Variants in SLC39A14 observed in about 807,000 individuals in gnomAD.
SLC39A14 encodes solute carrier family 39 member 14, also known as metal cation symporter ZIP14.
Under a neutral mutation model 45.5 loss-of-function variants are expected in SLC39A14, and 19 were observed. The ratio of observed to expected loss-of-function variants is 0.42; its 90% confidence interval spans 0.29 to 0.61. SLC39A14 has a LOEUF of 0.61. Among genes scored for constraint, SLC39A14 ranks in the 20% least tolerant of loss-of-function variants. SLC39A14 has a pLI of 0.22. For synonymous variants in SLC39A14, 264 were observed against 251.3 expected (o/e 1.05, Z -0.48); for missense variants, 447 against 616.5 (o/e 0.73, Z 2.91).
At chr8:22,423,544 C>T (rs1385048566), downstream of SLC39A14, among the ~76,000 whole-genome samples, 1 of 152,020 alleles carries the variant, frequency 6.6e-6, no homozygotes, top group Non-Finnish European at 1.5e-5. Context: ...ACCGTGTTAG[C>T]CAGGATGGTC....
Position 22,404,691 on chromosome 8 carries a change from C to G in SLC39A14, c.-15-5C>G, listed in dbSNP as rs1413241529. Reference sequence around the variant, plus strand: ...CTCAGCTTCACCTGCCTTTTTCTCTCACAGGTTTATTCAGTCACCATGAAG... The same window carrying G: ...CTCAGCTTCACCTGCCTTTTTCTCTGACAGGTTTATTCAGTCACCATGAAG... On this transcript the variant is annotated splice_region_variant and splice_polypyrimidine_tract_variant and intron_variant, in intron 1 of 8. Coordinates refer to ENST00000381237, the MANE Select transcript of SLC39A14 (RefSeq NM_001128431.4). The G allele has an allele frequency of 6.2e-7, 1 of 1,601,228 alleles. No homozygotes were observed. The highest frequency in any genetic ancestry group is 1.4e-5 in the African/African-American group (1 of 70,486).
At chr8:22,413,857 C>G (rs1176637639) in intron 4 of SLC39A14, among the ~76,000 whole-genome samples, 1 of 152,182 alleles carries the variant, frequency 6.6e-6, no homozygotes, top group African/African-American at 2.4e-5. Flanking sequence ...TCACTGCAAT[C>G]TCTGCCTCCT....
intron 8 of SLC39A14, among the ~76,000 whole-genome samples, chr8:22,431,225 G>A (rs936324985): frequency 1.3e-5 from 2 of 151,448 alleles, no homozygotes; most frequent in African/African-American, 4.9e-5. Flanking sequence ...CTGACCTCAT[G>A]ATCCACCTGC....
In SLC39A14 at chr8:22,405,025, T is replaced by A. The variant is rs777262873; in HGVS notation, c.270+45T>A. ...CAGCAGCTCTGCTCAGCCCCGTCTC[T>A]GGCCTCTCAGGGTTCCCTGTCTAGT... On this transcript the variant is annotated intron_variant, in intron 2 of 8. Coordinates refer to ENST00000381237, the MANE Select transcript of SLC39A14 (RefSeq NM_001128431.4). 1.8e-5 allele frequency: 29 copies of A among 1,581,936 alleles called. No individual in the cohort carries two copies. In the Admixed American group the frequency reaches 2.2e-4, roughly 12 times the overall value.
In SLC39A14 at chr8:22,421,965, G is replaced by T; in HGVS notation, c.*2267G>T. The stretch of plus-strand genomic sequence containing the variant: ...TAAACCGTAGTTGGCGCAGAGGTCA[G>T]TCCTAGTCGGAGCTTAGGAGGGGCG... On this transcript the variant is annotated 3_prime_UTR_variant, in exon 9 of 9. Coordinates refer to ENST00000381237, the MANE Select transcript of SLC39A14 (RefSeq NM_001128431.4). 1 of 985,476 alleles carries T rather than the reference G, an allele frequency of 1.0e-6. No individual in the cohort carries two copies. The highest frequency in any genetic ancestry group is 1.2e-6 in the Non-Finnish European group (1 of 829,942). 61.0% of individuals were successfully genotyped at this position (985,476 alleles called of 1,614,324 possible). A position where few individuals can be genotyped will look rare whatever the true frequency, so the allele number is the denominator to read the frequency against.
At chr8:22,381,426 AG>A (rs1833506815) in intron 1 of SLC39A14, among the ~76,000 whole-genome samples, 3 of 151,550 alleles carry the variant, frequency 2.0e-5, no homozygotes, top group Admixed American at 6.6e-5. Flanking sequence ...GCCCGCCACC[AG>A]GCCTGGCTAA....
rs567049421 is a variant in SLC39A14 at position 22,375,082 on chromosome 8, G to A, written c.-16+7674G>A. Among the ~76,000 whole-genome samples the A allele has an allele frequency of 6.5e-4, 99 of 152,082 alleles. 1 individual carries two copies. The highest frequency in any genetic ancestry group is 3.5e-3 in the East Asian group (18 of 5,146). ...ATCTGGAGCAACTCCATGGCCCCAC[G>A]TCCATGTCCTCTGTACCAGTCCACT... On this transcript the variant is annotated intron_variant, in intron 1 of 8. Transcript: ENST00000381237.
At chr8:22,426,269 C>T (rs372995040), downstream of SLC39A14, among the ~76,000 whole-genome samples, 80 of 152,172 alleles carry the variant, frequency 5.3e-4, 1 homozygote, top group South Asian at 0.013. Flanking sequence ...GATCATGGCT[C>T]GCTGCAGCCT....
intron 1 of SLC39A14, among the ~76,000 whole-genome samples, chr8:22,387,400 A>G (rs1342431257): frequency 1.3e-5 from 2 of 152,060 alleles, no homozygotes; most frequent in Non-Finnish European, 2.9e-5. Flanking sequence ...GTGGCAATCG[A>G]TTGCTCCCTG....
At chr8:22,394,775 T>C (rs1388548453) in intron 1 of SLC39A14, among the ~76,000 whole-genome samples, 1 of 152,134 alleles carries the variant, frequency 6.6e-6, no homozygotes, top group Non-Finnish European at 1.5e-5. Flanking sequence ...GGGGACTATA[T>C]TTTCTGACTT....
chr8:22,415,313 A>G (rs1835807927), intron 5 of SLC39A14: 1 of 209,458 alleles, frequency 4.8e-6, no homozygotes, highest in African/African-American at 2.4e-5. Context: ...GTTATTCCCT[A>G]AATAGCTGCT....
chr8:22,389,934 T>C (rs1481894801), intron 1 of SLC39A14: 30 of 157,562 alleles, frequency 1.9e-4, no homozygotes, highest in Non-Finnish European at 1.7e-4. Context: ...CACAGTGCCC[T>C]CCTCTGGGTG....
chr8:22,405,188 C>T (rs1835142525), intron 2 of SLC39A14, among the ~76,000 whole-genome samples: 1 of 152,210 alleles, frequency 6.6e-6, no homozygotes, highest in Non-Finnish European at 1.5e-5. Flanking sequence ...CCTTCTGACC[C>T]CCTGCATAGG....
At chr8:22,413,361 G>T (rs1430693176) in intron 4 of SLC39A14, among the ~76,000 whole-genome samples, 1 of 152,192 alleles carries the variant, frequency 6.6e-6, no homozygotes, top group Non-Finnish European at 1.5e-5. Context: ...AATCTGACCT[G>T]CACAAGAGCG....
intron 8 of SLC39A14, among the ~76,000 whole-genome samples, chr8:22,428,992 G>C (rs2132401225): frequency 1.3e-5 from 2 of 152,202 alleles, no homozygotes; most frequent in Middle Eastern, 6.8e-3. Flanking sequence ...ACACAGAATG[G>C]CCAGGCGTGG....
intron 3 of SLC39A14, among the ~76,000 whole-genome samples, chr8:22,408,924 G>A (rs906927519): frequency 6.7e-6 from 1 of 150,246 alleles, no homozygotes; most frequent in African/African-American, 2.4e-5. Flanking sequence ...GGCCTGAAGT[G>A]ACCCTCCTGC....
At chr8:22,395,476 T>C (rs986765963) in intron 1 of SLC39A14, among the ~76,000 whole-genome samples, 1 of 152,236 alleles carries the variant, frequency 6.6e-6, no homozygotes, top group Non-Finnish European at 1.5e-5. Flanking sequence ...ACCAAGCATA[T>C]AGGAGTTAAT....
rs550139699 is a variant in SLC39A14 at position 22,389,636 on chromosome 8, G to A, written c.-15-15060G>A. Among the ~76,000 whole-genome samples the A allele has an allele frequency of 2.5e-3, 381 of 152,126 alleles. 2 individuals carry two copies. Among genetic ancestry groups the A allele is most frequent in the Non-Finnish European group, 4.3e-3 (293 of 68,004 alleles). The stretch of plus-strand genomic sequence containing the variant: ...CGTGAGCAGAACACAAAGGCTAAAG[G>A]TCTGCCAAGGGCCCACCTCCCCTCC... On this transcript the variant is annotated intron_variant, in intron 1 of 8. Transcript: ENST00000381237.
intron 8 of SLC39A14, among the ~76,000 whole-genome samples, chr8:22,430,975 G>A (rs953838798): frequency 7.1e-6 from 1 of 141,774 alleles, no homozygotes; most frequent in Non-Finnish European, 1.5e-5. Context: ...AGCCGGTCTG[G>A]GACTCCCAAT....
Sources: gnomAD v4.1 joint callset for allele counts (sites outside exome capture counted in the v4.1 genomes callset) on GRCh38, gnomAD v4.1.1 for gene constraint, MANE v1.5 for transcripts, NCBI Gene and HGNC (gene_info 2026-07-23, HGNC 2026-07-21) for gene names.